PLXNC1: variants seen among roughly 807,000 people sequenced by gnomAD.
PLXNC1 encodes plexin-C1.
PLXNC1 carries 75 observed loss-of-function variants against 178.2 expected under a neutral mutation model. That is an observed-to-expected ratio of 0.42 (90% confidence interval 0.35 to 0.51). PLXNC1 has a LOEUF of 0.51. Ranked by LOEUF, PLXNC1 falls within the 20% of genes least tolerant of loss-of-function variation. The pLI, the probability that PLXNC1 is intolerant of heterozygous loss-of-function variation, is 0.02. For synonymous variants in PLXNC1, 790 were observed against 779.9 expected, an observed-to-expected ratio of 1.01 and a Z score of -0.22; for missense variants, 1,503 against 1,984.4, an observed-to-expected ratio of 0.76 and a Z score of 4.61.
intron 9 of PLXNC1, among the ~76,000 whole-genome samples, chr12:94,230,908 G>A (rs1964081500): frequency 6.6e-6 from 1 of 152,160 alleles, no homozygotes; most frequent in Non-Finnish European, 1.5e-5. Context: ...GGCATTTATT[G>A]CACACCTATT....
At chr12:94,270,060 T>A (rs1965480353) in intron 21 of PLXNC1, among the ~76,000 whole-genome samples, 1 of 152,248 alleles carries the variant, frequency 6.6e-6, no homozygotes, top group Admixed American at 6.5e-5. Context: ...CAAATGTGAC[T>A]CTATTATGTT....
intron 21 of PLXNC1, among the ~76,000 whole-genome samples, chr12:94,274,196 A>G (rs991012757): frequency 1.4e-5 from 2 of 146,474 alleles, no homozygotes; most frequent in Admixed American, 1.4e-4. Flanking sequence ...AATTTAGCCA[A>G]GCATGGCAGT....
intron 30 of PLXNC1, among the ~76,000 whole-genome samples, chr12:94,304,606 A>G: frequency 6.6e-6 from 1 of 151,938 alleles, no homozygotes; most frequent in East Asian, 1.9e-4. Flanking sequence ...CCCCCCAATC[A>G]TGCTGGGACA....
In PLXNC1 at chr12:94,218,954, T is replaced by C. The variant is rs1963717834; in HGVS notation, c.1555-1062T>C. 2.0e-5 allele frequency among the ~76,000 whole-genome samples: 3 copies of C among 152,084 alleles called. No individual in the cohort carries two copies. In the South Asian group the frequency reaches 6.2e-4, roughly 32 times the overall value. On this transcript the variant is annotated intron_variant, in intron 5 of 30. Coordinates refer to ENST00000258526, the MANE Select transcript of PLXNC1 (RefSeq NM_005761.3). ...CACGCTGTCTTAAATGAACCCCAGATCAAAGAGAAACAGATGAAAAAAGTC... is the reference window on the plus strand; with the variant it reads ...CACGCTGTCTTAAATGAACCCCAGACCAAAGAGAAACAGATGAAAAAAGTC...
chr12:94,201,726 G>C, intron 4 of PLXNC1, among the ~76,000 whole-genome samples: 1 of 136,038 alleles, frequency 7.4e-6, no homozygotes, highest in Non-Finnish European at 1.5e-5. Context: ...TGTTCCTTCT[G>C]CCTGGACTGC....
intron 22 of PLXNC1, 140 bp from the exon 23 acceptor site, chr12:94,282,158 T>C: frequency 8.1e-6 from 5 of 618,660 alleles, no homozygotes; most frequent in Non-Finnish European, 1.4e-5. Context: ...GAATTCAGGC[T>C]ACCAGTCTGG....
At chr12:94,303,577 A>C (rs907505423) in intron 28 of PLXNC1, among the ~76,000 whole-genome samples, 179 bp from the exon 29 acceptor site, 2 of 152,154 alleles carry the variant, frequency 1.3e-5, no homozygotes, top group African/African-American at 4.8e-5. Context: ...TCTAGATAGC[A>C]GTCAGTCATT....
intron 1 of PLXNC1, among the ~76,000 whole-genome samples, chr12:94,154,641 C>T (rs1015413347): frequency 5.3e-5 from 8 of 152,218 alleles, no homozygotes; most frequent in Admixed American, 2.6e-4. Context: ...CTGTATGGAG[C>T]AAGCTAAGCC....
chr12:94,239,523 A>T (rs985596823), intron 10 of PLXNC1, among the ~76,000 whole-genome samples: 1 of 152,216 alleles, frequency 6.6e-6, no homozygotes, highest in Non-Finnish European at 1.5e-5. Context: ...ATTAAAGTTA[A>T]TCATCATGCA....
chr12:94,154,935 G>T (rs185926443), intron 1 of PLXNC1, among the ~76,000 whole-genome samples: 1 of 152,224 alleles, frequency 6.6e-6, no homozygotes, highest in Non-Finnish European at 1.5e-5. Context: ...ATGAAGGATC[G>T]TAGAGAATCA....
At chr12:94,304,765 G>C (rs928753336) in intron 30 of PLXNC1, among the ~76,000 whole-genome samples, 5 of 152,154 alleles carry the variant, frequency 3.3e-5, no homozygotes, top group African/African-American at 1.2e-4. Context: ...AGGGAAGCAC[G>C]AGGAGGGACT....
intron 23 of PLXNC1, among the ~76,000 whole-genome samples, chr12:94,288,214 G>A (rs796761515): frequency 2.0e-5 from 3 of 152,194 alleles, no homozygotes; most frequent in Admixed American, 6.5e-5. Flanking sequence ...GGTGAATCTC[G>A]TGTCTGTGAG....
chr12:94,160,670 G>A (rs765442817), intron 1 of PLXNC1, among the ~76,000 whole-genome samples: 4 of 152,154 alleles, frequency 2.6e-5, no homozygotes, highest in African/African-American at 7.2e-5. Context: ...GTCAGCCCCC[G>A]CACTTAGCAA....
intron 1 of PLXNC1, among the ~76,000 whole-genome samples, chr12:94,158,623 C>T (rs1961264111): frequency 6.6e-6 from 1 of 152,122 alleles, no homozygotes; most frequent in African/African-American, 2.4e-5. Flanking sequence ...GTAGCAAGAC[C>T]CCATCTCTAC....
chr12:94,226,943 A>C (rs1224623560), intron 8 of PLXNC1, among the ~76,000 whole-genome samples: 1 of 152,178 alleles, frequency 6.6e-6, no homozygotes, highest in Non-Finnish European at 1.5e-5. Flanking sequence ...GAATCACTTG[A>C]ACCCGGGAGG....
intron 21 of PLXNC1, among the ~76,000 whole-genome samples, chr12:94,267,872 C>A (rs1965335744): frequency 6.6e-6 from 1 of 152,168 alleles, no homozygotes; most frequent in African/African-American, 2.4e-5. Flanking sequence ...CCCCCACCTA[C>A]CCCTCCCAAG....
intron 1 of PLXNC1, among the ~76,000 whole-genome samples, chr12:94,153,182 T>C (rs935157286): frequency 6.6e-6 from 1 of 152,242 alleles, no homozygotes. Flanking sequence ...TCAAGATAGT[T>C]AAGTGCCAAA....
At chr12:94,259,194 C>A in intron 17 of PLXNC1, 143 bp from the exon 18 acceptor site, 4 of 598,658 alleles carry the variant, frequency 6.7e-6, no homozygotes, top group Non-Finnish European at 8.8e-6. Context: ...TTAGAGAATA[C>A]GCAGCCACCA....
chr12:94,187,977 A>C (rs1437431249), intron 4 of PLXNC1, among the ~76,000 whole-genome samples: 2 of 152,032 alleles, frequency 1.3e-5, no homozygotes, highest in African/African-American at 2.4e-5. Flanking sequence ...GGGAAACAGA[A>C]CAAGAAATAA....
Sources: gnomAD v4.1 joint callset for allele counts (sites outside exome capture counted in the v4.1 genomes callset) on GRCh38, gnomAD v4.1.1 for gene constraint, MANE v1.5 for transcripts, NCBI Gene and HGNC (gene_info 2026-07-23, HGNC 2026-07-21) for gene names.